The following TMEM164 variants were observed in gnomAD, a reference collection of about 807,000 sequenced individuals.
The protein encoded by TMEM164 is transmembrane protein 164, also known as RP13-360B22.2.
Under a neutral mutation model 18.8 loss-of-function variants are expected in TMEM164, and 4 were observed. The ratio of observed to expected loss-of-function variants is 0.21; its 90% CI spans 0.10 to 0.49. The LOEUF (loss-of-function observed/expected upper bound fraction) is 0.49, where lower values mean the gene tolerates loss of function less well. TMEM164 is among the 20% of genes least tolerant of loss of function. The pLI, the probability that TMEM164 is intolerant of heterozygous loss-of-function variation, is 0.98. For synonymous variants in TMEM164, 86 were observed against 101.7 expected (o/e 0.85, Z 0.93); for missense variants, 108 against 239.9 (o/e 0.45, Z 3.63).
intron 3 of TMEM164, among the ~76,000 whole-genome samples, chrX:110,096,904 A>C (rs1602617084): frequency 8.9e-6 from 1 of 112,159 alleles, no homozygotes; most frequent in African/African-American, 3.2e-5. Flanking sequence ...ATTGCGCTAC[A>C]GCACCTCACA....
At chrX:110,014,674 A>G (rs1482155174) in intron 2 of TMEM164, among the ~76,000 whole-genome samples, 1 of 103,006 alleles carries the variant, frequency 9.7e-6, no homozygotes, top group Non-Finnish European at 2.0e-5. Flanking sequence ...TGACAGAAGT[A>G]TGAAAGGAGT....
intron 4 of TMEM164, among the ~76,000 whole-genome samples, chrX:110,121,030 A>G (rs1246731574): frequency 8.9e-6 from 1 of 111,757 alleles, no homozygotes; most frequent in Non-Finnish European, 1.9e-5. Flanking sequence ...GGATTTGTAA[A>G]ATTTACCCTC....
At chrX:110,012,671 A>G (rs1933076713) in intron 2 of TMEM164, among the ~76,000 whole-genome samples, 1 of 111,955 alleles carries the variant, frequency 8.9e-6, no homozygotes, top group East Asian at 2.8e-4. Flanking sequence ...CAGTGCTTGG[A>G]TGCAGCAGTT....
chrX:110,064,341 G>T (rs1431496500), intron 2 of TMEM164, among the ~76,000 whole-genome samples: 1 of 111,909 alleles, frequency 8.9e-6, no homozygotes. Flanking sequence ...GTCTAAAAAT[G>T]CATGCCACCA....
At chrX:110,053,244 G>A (rs542567451) in intron 2 of TMEM164, among the ~76,000 whole-genome samples, 1 of 111,398 alleles carries the variant, frequency 9.0e-6, no homozygotes, top group South Asian at 3.7e-4. Context: ...CTGAGAGTTA[G>A]GCTAACTCAC....
At chrX:110,116,602 A>G (rs1175544938) in intron 4 of TMEM164, among the ~76,000 whole-genome samples, 1 of 112,062 alleles carries the variant, frequency 8.9e-6, no homozygotes, top group Non-Finnish European at 1.9e-5. Context: ...GCAAATCACA[A>G]GAAGACACTG....
chrX:110,155,307 T>A (rs907433218), intron 5 of TMEM164, among the ~76,000 whole-genome samples: 2 of 110,926 alleles, frequency 1.8e-5, no homozygotes, highest in Non-Finnish European at 3.8e-5. Context: ...GATCCTGGTG[T>A]TCTTCATCAA....
chrX:110,018,790 T>C (rs2147708257), intron 2 of TMEM164, among the ~76,000 whole-genome samples: 1 of 112,410 alleles, frequency 8.9e-6, no homozygotes, highest in African/African-American at 3.2e-5. Context: ...GCTGTTATCA[T>C]CTGTAAGACA....
intron 2 of TMEM164, among the ~76,000 whole-genome samples, chrX:110,035,656 A>G (rs1007930018): frequency 2.7e-5 from 3 of 110,205 alleles, no homozygotes; most frequent in African/African-American, 9.9e-5. Flanking sequence ...GGCTACCATC[A>G]CCGCGGCCAG....
intron 2 of TMEM164, among the ~76,000 whole-genome samples, chrX:110,036,775 G>GT (rs1327595510): frequency 8.9e-6 from 1 of 111,896 alleles, no homozygotes; most frequent in Non-Finnish European, 1.9e-5. Context: ...ATTCTCTTGT[G>GT]TATCTGGTAG....
rs4625198 is a variant in TMEM164, at chrX:110,088,098, T to C, written c.440+20702T>C. Among the ~76,000 whole-genome samples the C allele has an allele frequency of 4.3e-3, 478 of 112,338 alleles. 1 individual carries two copies. Among genetic ancestry groups the C allele is most frequent in the African/African-American group, 0.014 (437 of 30,969 alleles). ...CCCCATGGCCCTTTCTTTTTCTAGA[T>C]TTCATTTATGATACTCTCAGATTTT... On this transcript the variant is annotated intron_variant, in intron 3 of 6. Transcript: ENST00000372068.
In TMEM164 at chrX:110,176,355, C is replaced by T. The variant is rs2067289486; in HGVS notation, c.*2904C>T. 2 of 754,536 alleles carry T rather than the reference C, an allele frequency of 2.7e-6. No homozygotes were observed. The highest frequency in any genetic ancestry group is 2.3e-5 in the African/African-American group (1 of 43,103). 62.2% of individuals were successfully genotyped at this position (754,536 alleles called of 1,213,427 possible). On this transcript the variant is annotated 3_prime_UTR_variant, in exon 7 of 7. Transcript: ENST00000372068. ...ACCAAAGATGATCTGGCCCATCTTC[C>T]TCCCAGAGGCACAACAGTAACATGT...
intron 5 of TMEM164, 79 bp from the exon 6 acceptor site, chrX:110,171,341 T>C (rs956507731): frequency 1.4e-6 from 1 of 714,341 alleles, no homozygotes; most frequent in Non-Finnish European, 2.1e-6. Flanking sequence ...AGCTGTGACC[T>C]CAGTACCTGC....
chrX:110,132,075 C>T (rs2066620375), intron 4 of TMEM164, among the ~76,000 whole-genome samples: 1 of 111,589 alleles, frequency 9.0e-6, no homozygotes, highest in Admixed American at 9.5e-5. Context: ...GGTTCTTGAG[C>T]CAGGTTCCCT....
rs1351207802 is a variant in TMEM164 at position 110,173,543 on chromosome X, G to C, written c.*92G>C. 4 of 742,508 alleles carry C rather than the reference G, an allele frequency of 5.4e-6. No homozygotes were observed. The highest frequency in any genetic ancestry group is 6.3e-5 in the Admixed American group (2 of 31,565). 61.2% of individuals were successfully genotyped at this position (742,508 alleles called of 1,213,427 possible). On this transcript the variant is annotated 3_prime_UTR_variant, in exon 7 of 7. Coordinates refer to ENST00000372068, the MANE Select transcript of TMEM164 (RefSeq NM_032227.4). ...AGTTCTTGATAAAATCATGGGAGAG[G>C]GCAGTAGGATGTTTGGTGTATTTCT...
In TMEM164 at chrX:110,034,498, A is replaced by T. The variant is rs184628213; in HGVS notation, c.390+30334A>T. Among the ~76,000 whole-genome samples, 473 of 112,710 alleles carry T rather than the reference A, an allele frequency of 4.2e-3. 1 individual carries two copies. Among genetic ancestry groups the T allele is most frequent in the African/African-American group, 0.014 (431 of 31,011 alleles). On this transcript the variant is annotated intron_variant, in intron 2 of 6. Transcript: ENST00000372068. ...CTCAACTCTGCTATTGAAGCACAAA[A>T]GCAGCTACAGATAATGCCAGTATGT...
chrX:110,033,755 A>C (rs1257912597), intron 2 of TMEM164, among the ~76,000 whole-genome samples: 1 of 111,119 alleles, frequency 9.0e-6, no homozygotes, highest in African/African-American at 3.3e-5. Context: ...GATACTTTCT[A>C]ATCTCTCCTT....
chrX:110,047,971 T>C (rs1414096650), intron 2 of TMEM164, among the ~76,000 whole-genome samples: 2 of 111,839 alleles, frequency 1.8e-5, no homozygotes, highest in African/African-American at 6.5e-5. Flanking sequence ...CTGAGCAGCA[T>C]CATAGGGATT....
intron 3 of TMEM164, among the ~76,000 whole-genome samples, chrX:110,084,873 A>G (rs751725588): frequency 9.1e-6 from 1 of 110,141 alleles, no homozygotes; most frequent in Non-Finnish European, 1.9e-5. Flanking sequence ...TGCTGTCTCC[A>G]ATGTGAAATT....
Sources: allele counts gnomAD v4.1 joint callset (sites outside exome capture counted in the v4.1 genomes callset), GRCh38; gene constraint gnomAD v4.1.1; transcripts MANE v1.5; gene names NCBI Gene and HGNC (gene_info 2026-07-23, HGNC 2026-07-21).